Variants in MPZL1 observed in about 807,000 individuals in gnomAD.
MPZL1 encodes myelin protein zero like 1.
Under a neutral mutation model 29.3 loss-of-function variants are expected in MPZL1, and 16 were observed. The ratio of observed to expected loss-of-function variants is 0.55; its 90% CI spans 0.37 to 0.83. MPZL1 has a LOEUF of 0.83. Ranked by LOEUF, MPZL1 falls within the 40% of genes least tolerant of loss-of-function variation. The pLI, the probability that MPZL1 is intolerant of heterozygous loss-of-function variation, is 0.00. For missense variants in MPZL1, 279 were observed against 332.9 expected, an observed-to-expected ratio of 0.84 and a Z score of 1.26; for synonymous variants, 143 against 132.0, an observed-to-expected ratio of 1.08 and a Z score of -0.57.
intron 1 of MPZL1, among the ~76,000 whole-genome samples, chr1:167,726,493 C>T (rs1488992061): frequency 6.6e-6 from 1 of 152,164 alleles, no homozygotes. Flanking sequence ...GGCAGTGAGG[C>T]ATAGGCATGT....
intron 1 of MPZL1, among the ~76,000 whole-genome samples, chr1:167,749,401 T>G (rs16859525): frequency 5.9e-4 from 90 of 152,226 alleles, no homozygotes; most frequent in African/African-American, 2.0e-3. Context: ...CAGTAAGATA[T>G]AAAATATCCA....
intron 3 of MPZL1, among the ~76,000 whole-genome samples, chr1:167,772,860 A>G (rs999368041): frequency 6.6e-6 from 1 of 152,230 alleles, no homozygotes; most frequent in Non-Finnish European, 1.5e-5. Context: ...AAAGCTTTCA[A>G]CAACAGCACA....
At position 167,789,643 on chromosome 1, in the gene MPZL1, ACG is replaced by A. The variant is rs1661665289; in HGVS notation, c.*1724_*1725del. 2.6e-5 allele frequency: 4 copies of A among 152,166 alleles called. No individual in the cohort carries two copies. Among genetic ancestry groups the A allele is most frequent in the Non-Finnish European group, 4.4e-5 (3 of 68,030 alleles). 9.4% of individuals were successfully genotyped at this position (152,166 alleles called of 1,614,324 possible). ...AGGAGCTATTTTTGTTATTCTTGTA[ACG>A]CTCCACCTTACATGCCACATCTGTG... On this transcript the variant is annotated 3_prime_UTR_variant, in exon 6 of 6. Coordinates refer to ENST00000359523, the MANE Select transcript of MPZL1 (RefSeq NM_003953.6).
rs141738596 is a variant in MPZL1 at position 167,729,529 on chromosome 1, A to G, written c.91+7287A>G. Among the ~76,000 whole-genome samples the G allele has an allele frequency of 2.8e-3, 426 of 152,322 alleles. 3 individuals carry two copies. Among genetic ancestry groups the G allele is most frequent in the African/African-American group, 9.5e-3 (395 of 41,566 alleles). On this transcript the variant is annotated intron_variant, in intron 1 of 5. Transcript: ENST00000359523. ...TAGTCAAGTCCAGGTTATCATTGCT[A>G]TATACTTTCTTCCAAAGGGTGTTGC... is the stretch of plus-strand genomic sequence containing the variant.
At chr1:167,786,752 A>G (rs1322578412) in intron 5 of MPZL1, among the ~76,000 whole-genome samples, 4 of 152,182 alleles carry the variant, frequency 2.6e-5, no homozygotes, top group Admixed American at 2.6e-4. Context: ...TTTATTTTAA[A>G]CCACGTGCTT....
intron 1 of MPZL1, among the ~76,000 whole-genome samples, chr1:167,759,210 C>G (rs4657706): frequency 6.6e-6 from 1 of 152,040 alleles, no homozygotes; most frequent in Non-Finnish European, 1.5e-5. Flanking sequence ...TTCTAGTCTT[C>G]AGTGACATGG....
At chr1:167,733,757 T>G (rs1660316884) in intron 1 of MPZL1, among the ~76,000 whole-genome samples, 1 of 149,936 alleles carries the variant, frequency 6.7e-6, no homozygotes, top group Non-Finnish European at 1.5e-5. Flanking sequence ...AAAAAAAAAT[T>G]AGCCAGGCTT....
intron 1 of MPZL1, among the ~76,000 whole-genome samples, chr1:167,741,328 C>A (rs1660519855): frequency 8.1e-6 from 1 of 123,684 alleles, no homozygotes; most frequent in Non-Finnish European, 1.7e-5. Flanking sequence ...AGCCTGCAGT[C>A]ACTTTTTTTT....
chr1:167,722,100 G>C lies in MPZL1; in HGVS notation c.-52G>C. Reference sequence around the variant, plus strand: ...CCCAAGCCGAGCCAACCTCAGCGGGGACCCGGGCTCAGGGACGCGGCGGCG... The same window carrying C: ...CCCAAGCCGAGCCAACCTCAGCGGGCACCCGGGCTCAGGGACGCGGCGGCG... On this transcript the variant is annotated 5_prime_UTR_variant, in exon 1 of 6. Coordinates refer to ENST00000359523, the MANE Select transcript of MPZL1 (RefSeq NM_003953.6). 1 of 1,232,906 alleles carries C rather than the reference G, an allele frequency of 8.1e-7. No individual in the cohort carries two copies. The highest frequency in any genetic ancestry group is 3.2e-5 in the East Asian group (1 of 31,698). The allele number at this position is 1,232,906 out of a possible 1,614,324, so 76.4% of individuals were successfully genotyped here.
chr1:167,787,043 A>G (rs892102449), intron 5 of MPZL1: 5 of 152,136 alleles, frequency 3.3e-5, no homozygotes, highest in African/African-American at 7.2e-5. Context: ...GGACCCTGAC[A>G]ATTCCCTGGA....
At position 167,768,007 on chromosome 1, in the gene MPZL1, C is replaced by T. The variant is rs116579438; in HGVS notation, c.258+2258C>T. 4.5e-3 allele frequency among the ~76,000 whole-genome samples: 690 copies of T among 151,964 alleles called. 10 individuals carry two copies. The highest frequency in any genetic ancestry group is 0.016 in the African/African-American group (653 of 41,410). On this transcript the variant is annotated intron_variant, in intron 2 of 5. Coordinates refer to ENST00000359523, the MANE Select transcript of MPZL1 (RefSeq NM_003953.6). ...TTCTGGTGTCTAGCTTTTTGTCAGC[C>T]TTCCTGTGTCTCTGCTGTCTATTGA...
At chr1:167,725,519 A>G (rs1207610305) in intron 1 of MPZL1, among the ~76,000 whole-genome samples, 1 of 151,422 alleles carries the variant, frequency 6.6e-6, no homozygotes. Context: ...GGAGTCTCGC[A>G]CTGTTGCCCA....
At chr1:167,770,112 A>G (rs972138834) in intron 2 of MPZL1, among the ~76,000 whole-genome samples, 2 of 152,156 alleles carry the variant, frequency 1.3e-5, no homozygotes, top group African/African-American at 4.8e-5. Flanking sequence ...AGCTTAGGGG[A>G]CGCTATTGAT....
Position 167,760,905 on chromosome 1 carries a change from A to T in MPZL1, c.92-4678A>T, listed in dbSNP as rs138332539. Among the ~76,000 whole-genome samples, 18 of 152,150 alleles carry T rather than the reference A, an allele frequency of 1.2e-4. No homozygotes were observed. In the East Asian group the frequency reaches 3.5e-3, roughly 29 times the overall value. On this transcript the variant is annotated intron_variant, in intron 1 of 5. Coordinates refer to ENST00000359523, the MANE Select transcript of MPZL1 (RefSeq NM_003953.6). Reference sequence around the variant, plus strand: ...CTCTTAATCATATAGAGGTCAGGAGAACCAGGGAAGGAGCAGTCAATGAGA... The same window carrying T: ...CTCTTAATCATATAGAGGTCAGGAGTACCAGGGAAGGAGCAGTCAATGAGA...
intron 5 of MPZL1, among the ~76,000 whole-genome samples, chr1:167,782,384 A>G (rs1050437244): frequency 3.3e-5 from 5 of 152,118 alleles, no homozygotes; most frequent in African/African-American, 1.2e-4. Flanking sequence ...ATTTCTTGCT[A>G]ATGGTGGCTA....
chr1:167,740,797 T>C (rs1660502481), intron 1 of MPZL1, among the ~76,000 whole-genome samples: 1 of 152,226 alleles, frequency 6.6e-6, no homozygotes, highest in Admixed American at 6.5e-5. Flanking sequence ...AAACTTAACA[T>C]TTCCAAAATG....
intron 5 of MPZL1, among the ~76,000 whole-genome samples, chr1:167,778,071 C>T (rs565547646): frequency 2.0e-5 from 3 of 152,246 alleles, no homozygotes; most frequent in Non-Finnish European, 4.4e-5. Flanking sequence ...GCCTGTAATC[C>T]CAGCACTTAG....
intron 1 of MPZL1, among the ~76,000 whole-genome samples, chr1:167,725,658 G>T (rs1232942466): frequency 6.6e-6 from 1 of 151,900 alleles, no homozygotes; most frequent in African/African-American, 2.4e-5. Context: ...GCTAATTTTT[G>T]TATTTTTTAG....
intron 5 of MPZL1, among the ~76,000 whole-genome samples, chr1:167,780,340 G>A (rs1043092189): frequency 6.6e-6 from 1 of 152,216 alleles, no homozygotes; most frequent in East Asian, 1.9e-4. Context: ...CCAATCATAT[G>A]CTGTCTGCAA....
Sources: gnomAD v4.1 joint callset for allele counts (sites outside exome capture counted in the v4.1 genomes callset) on GRCh38, gnomAD v4.1.1 for gene constraint, MANE v1.5 for transcripts, NCBI Gene and HGNC (gene_info 2026-07-23, HGNC 2026-07-21) for gene names.